The following COL4A5 variants were observed in gnomAD, a reference collection of about 807,000 sequenced individuals.
The protein encoded by COL4A5 is collagen alpha-5(IV) chain.
In COL4A5, 26 loss-of-function variants were observed where a neutral mutation model predicts 130.2. The ratio of observed to expected loss-of-function variants is 0.20; its 90% CI spans 0.15 to 0.28. The LOEUF is 0.28. Among genes scored for constraint, COL4A5 ranks in the 10% least tolerant of loss-of-function variants. The pLI is 1.00. For synonymous variants in COL4A5, 496 were observed against 439.6 expected (o/e 1.13, Z -1.60); for missense variants, 1,131 against 1,344.3 (o/e 0.84, Z 2.48).
intron 21 of COL4A5, among the ~76,000 whole-genome samples, chrX:108,593,246 G>A (rs1457145012): frequency 9.0e-6 from 1 of 111,413 alleles, no homozygotes; most frequent in Non-Finnish European, 1.9e-5. Flanking sequence ...ACCAAACCAT[G>A]TTCCAAAGTG....
rs1409288580 is a variant in COL4A5 at position 108,667,137 on chromosome X, A to G, written c.3558A>G (p.Gln1186=). ...GPAGQKGEPG[Q]PGFGNPGPPG... ...TTTTGTTTTGTACTCTGACAGGTCA[A>G]CCAGGCTTTGGAAACCCAGGACCCC... Residue 1186 remains glutamine, a synonymous_variant, in exon 40 of 53, where the codon CAA becomes CAG. Coordinates refer to ENST00000328300, the MANE Select transcript of COL4A5 (RefSeq NM_033380.3). 1 of 1,209,397 alleles carries G rather than the reference A, an allele frequency of 8.3e-7. No individual in the cohort carries two copies. The highest frequency in any genetic ancestry group is 1.1e-6 in the Non-Finnish European group (1 of 894,622).
intron 1 of COL4A5, among the ~76,000 whole-genome samples, chrX:108,445,102 T>C (rs1261895285): frequency 8.9e-6 from 1 of 111,779 alleles, no homozygotes; most frequent in Non-Finnish European, 1.9e-5. Context: ...TAAATCAATT[T>C]TAGATTTCAT....
intron 36 of COL4A5, among the ~76,000 whole-genome samples, chrX:108,646,200 T>C (rs1922715819): frequency 1.8e-5 from 2 of 111,644 alleles, no homozygotes; most frequent in Admixed American, 1.9e-4. Flanking sequence ...CCACCTACAG[T>C]GTAAAAGTGT....
intron 1 of COL4A5, among the ~76,000 whole-genome samples, chrX:108,474,919 T>G (rs2064817167): frequency 9.0e-6 from 1 of 111,521 alleles, no homozygotes; most frequent in Non-Finnish European, 1.9e-5. Flanking sequence ...ATGTATGGGT[T>G]TATTTCTGGG....
At chrX:108,513,249 G>T (rs2065194450) in intron 1 of COL4A5, among the ~76,000 whole-genome samples, 1 of 110,589 alleles carries the variant, frequency 9.0e-6, no homozygotes, top group African/African-American at 3.3e-5. Flanking sequence ...AGTGAGCCGA[G>T]ATCGTGCCAC....
intron 1 of COL4A5, among the ~76,000 whole-genome samples, chrX:108,500,885 G>A (rs931127898): frequency 1.8e-5 from 2 of 111,348 alleles, no homozygotes; most frequent in African/African-American, 6.5e-5. Context: ...AGTGAGGGAT[G>A]AGTATGGCAG....
chrX:108,550,358 A>G (rs2065733196), intron 2 of COL4A5, among the ~76,000 whole-genome samples: 1 of 112,217 alleles, frequency 8.9e-6, no homozygotes. Flanking sequence ...CCAGGAATCC[A>G]TGTTTGGTTT....
At chrX:108,566,795 C>T (rs1263015003) in intron 4 of COL4A5, among the ~76,000 whole-genome samples, 3 of 110,914 alleles carry the variant, frequency 2.7e-5, no homozygotes, top group Non-Finnish European at 5.7e-5. Flanking sequence ...GTGATCCACC[C>T]GCCTCGGCCT....
In COL4A5 at chrX:108,546,202, A is replaced by C. The variant is rs1255015911; in HGVS notation, c.141+6397A>C. ...TTAGTTGATGCAGTTTCTTCCTAGC[A>C]TCAATGGTCTTTACAATTTGGCATG... On this transcript the variant is annotated intron_variant, in intron 2 of 52. Transcript: ENST00000328300. Among the ~76,000 whole-genome samples, 22 of 111,981 alleles carry C rather than the reference A, an allele frequency of 2.0e-4. No homozygotes were observed. In the East Asian group the frequency reaches 3.9e-3, roughly 20 times the overall value.
rs184234140 is a variant in COL4A5, at chrX:108,489,659, G to A, written c.81+49453G>A. Among the ~76,000 whole-genome samples, 14 of 111,999 alleles carry A rather than the reference G, an allele frequency of 1.3e-4. No individual in the cohort carries two copies. The East Asian group carries it at 3.9e-3, about 31-fold the overall frequency. ...TCAAAATACTCCTGTAATAATATCA[G>A]TGAAGAGGCAGATTTTTATTGTGCA... On this transcript the variant is annotated intron_variant, in intron 1 of 52. Coordinates refer to ENST00000328300, the MANE Select transcript of COL4A5 (RefSeq NM_033380.3).
At chrX:108,491,862 T>C (rs1213167559) in intron 1 of COL4A5, among the ~76,000 whole-genome samples, 1 of 111,734 alleles carries the variant, frequency 8.9e-6, no homozygotes, top group Non-Finnish European at 1.9e-5. Context: ...TCAGAACTTT[T>C]CCAAGGTTGA....
chrX:108,470,275 C>T (rs2064752746), intron 1 of COL4A5, among the ~76,000 whole-genome samples: 1 of 112,320 alleles, frequency 8.9e-6, no homozygotes, highest in Admixed American at 9.4e-5. Context: ...ACAAGCATTC[C>T]CTTTTCTCTG....
At chrX:108,559,357 G>T (rs2065871363) in intron 3 of COL4A5, among the ~76,000 whole-genome samples, 2 of 112,508 alleles carry the variant, frequency 1.8e-5, no homozygotes, top group Non-Finnish European at 3.8e-5. Context: ...GCTTTTGGAA[G>T]ATGCTGTTGA....
intron 2 of COL4A5, among the ~76,000 whole-genome samples, chrX:108,545,015 T>C (rs1253074720): frequency 8.9e-6 from 1 of 111,854 alleles, no homozygotes; most frequent in Non-Finnish European, 1.9e-5. Context: ...TCTTTATTAG[T>C]CTTGCTAGCA....
At position 108,573,619 on chromosome X, in the gene COL4A5, G is replaced by C. The variant is rs1556404027; in HGVS notation, c.511G>C (p.Gly171Arg). Residue 171 changes from glycine to arginine, a missense_variant, in exon 9 of 53, where the codon GGT (glycine) becomes CGT (arginine). By Grantham distance (125) the Gly-to-Arg change is moderately radical. Coordinates refer to ENST00000328300, the MANE Select transcript of COL4A5 (RefSeq NM_033380.3). ...IIMSSLPGPK[G>R]NPGYPGPPGI... ...TATGTCATCACTGCCAGGACCAAAG[G>C]GTAATCCAGGATATCCAGGTCCTCC... 1 of 1,205,057 alleles carries C rather than the reference G, an allele frequency of 8.3e-7. No individual in the cohort carries two copies. The highest frequency in any genetic ancestry group is 1.1e-6 in the Non-Finnish European group (1 of 889,652).
intron 29 of COL4A5, among the ~76,000 whole-genome samples, chrX:108,608,345 C>T (rs1184020332): frequency 9.0e-6 from 1 of 111,421 alleles, no homozygotes; most frequent in Non-Finnish European, 1.9e-5. Context: ...AGCTGTATAT[C>T]TACCACCCAG....
chrX:108,625,420 G>A (rs2067134646), intron 34 of COL4A5, among the ~76,000 whole-genome samples: 1 of 112,096 alleles, frequency 8.9e-6, no homozygotes, highest in African/African-American at 3.2e-5. Flanking sequence ...ACAGCAAATA[G>A]CACTTCAGGT....
chrX:108,520,574 CCT>C (rs763339383), intron 1 of COL4A5, among the ~76,000 whole-genome samples: 3,322 of 111,373 alleles, frequency 0.03, 115 homozygotes, highest in African/African-American at 0.1. Flanking sequence ...GGGAACCAAA[CCT>C]TTTATCATTC....
chrX:108,633,774 G>T (rs893462481), intron 36 of COL4A5, among the ~76,000 whole-genome samples: 1 of 111,468 alleles, frequency 9.0e-6, no homozygotes, highest in Non-Finnish European at 1.9e-5. Context: ...TGATATTGTG[G>T]AAATAATGTA....
Sources: allele counts gnomAD v4.1 joint callset (sites outside exome capture counted in the v4.1 genomes callset), GRCh38; gene constraint gnomAD v4.1.1; transcripts MANE v1.5; gene names NCBI Gene and HGNC (gene_info 2026-07-23, HGNC 2026-07-21).